TCF12: variants seen among roughly 807,000 people sequenced by gnomAD.
The protein encoded by TCF12 is DNA-binding protein HTF4.
In TCF12, 45 loss-of-function variants were observed where a neutral mutation model predicts 86.0. The ratio of observed to expected loss-of-function variants is 0.52; its 90% CI spans 0.41 to 0.67. The LOEUF is 0.67. Among genes scored for constraint, TCF12 ranks in the 30% least tolerant of loss-of-function variants. The probability of loss-of-function intolerance (pLI) is 0.00; values close to 1 mark genes in which losing one functional copy is unlikely to be tolerated. For missense variants in TCF12, 881 were observed against 859.9 expected, an observed-to-expected ratio of 1.02 and a Z score of -0.31; for synonymous variants, 330 against 299.6, an observed-to-expected ratio of 1.10 and a Z score of -1.05.
chr15:57,247,738 T>C (rs1217031544), intron 13 of TCF12: 4 of 733,688 alleles, frequency 5.5e-6, no homozygotes, highest in Non-Finnish European at 7.4e-6. Context: ...TTGGTTCCAC[T>C]ACACACCTGT....
chr15:57,035,037 GA>G (rs1213934411), intron 3 of TCF12, among the ~76,000 whole-genome samples: 3 of 151,996 alleles, frequency 2.0e-5, no homozygotes, highest in African/African-American at 7.3e-5. Context: ...GCATATATTA[GA>G]AACTAATGTT....
At chr15:57,128,154 G>T (rs1339971447) in intron 5 of TCF12, among the ~76,000 whole-genome samples, 2 of 152,078 alleles carry the variant, frequency 1.3e-5, no homozygotes, top group African/African-American at 4.8e-5. Context: ...TCAAGTGTGG[G>T]CTGTTAGTAA....
At chr15:57,134,268 A>G (rs1327001174) in intron 5 of TCF12, 1 of 152,268 alleles carries the variant, frequency 6.6e-6, no homozygotes, top group Non-Finnish European at 1.5e-5. Flanking sequence ...GTAATAATCA[A>G]TGACATTTCA....
upstream of TCF12, chr15:56,918,189 G>C (rs926057614): frequency 4.4e-6 from 2 of 456,196 alleles, no homozygotes; most frequent in Admixed American, 4.7e-5. Flanking sequence ...GCTTAGGGTG[G>C]CGTCCAGCGT....
chr15:57,018,107 A>G (rs1485964049), intron 3 of TCF12, among the ~76,000 whole-genome samples: 2 of 152,194 alleles, frequency 1.3e-5, no homozygotes, highest in East Asian at 3.8e-4. Flanking sequence ...CTGAGGCAAA[A>G]TTAATGTAAG....
intron 5 of TCF12, among the ~76,000 whole-genome samples, chr15:57,115,954 C>CT (rs1356468848): frequency 1.3e-5 from 2 of 152,008 alleles, no homozygotes; most frequent in African/African-American, 4.8e-5. Flanking sequence ...TGCCTTTTTC[C>CT]TTCTCTCTTC....
chr15:57,156,174 C>G (rs1329842090), intron 5 of TCF12, among the ~76,000 whole-genome samples: 2 of 152,184 alleles, frequency 1.3e-5, no homozygotes, highest in African/African-American at 2.4e-5. Context: ...ACAAAAATCC[C>G]TATATTTTTA....
At chr15:57,005,284 G>A (rs1481841175) in intron 3 of TCF12, among the ~76,000 whole-genome samples, 1 of 152,168 alleles carries the variant, frequency 6.6e-6, no homozygotes, top group African/African-American at 2.4e-5. Flanking sequence ...TAATACTCAT[G>A]TACATTTTTT....
At chr15:56,990,745 C>A (rs1382954175) in intron 3 of TCF12, among the ~76,000 whole-genome samples, 12 of 152,048 alleles carry the variant, frequency 7.9e-5, no homozygotes, top group African/African-American at 2.7e-4. Context: ...GCAGCTTTGA[C>A]CAGAACACCT....
At chr15:57,245,220 G>A (rs1215359823) in intron 13 of TCF12, among the ~76,000 whole-genome samples, 3 of 152,158 alleles carry the variant, frequency 2.0e-5, no homozygotes, top group Non-Finnish European at 2.9e-5. Flanking sequence ...GAAGCATTCC[G>A]GTTTGGGGAT....
rs144802228 is a variant in TCF12 at position 57,216,885 on chromosome 15, T to A, written c.580-14267T>A. Among the ~76,000 whole-genome samples, 29 of 152,194 alleles carry A rather than the reference T, an allele frequency of 1.9e-4. 2 individuals carry two copies. The East Asian group carries it at 5.4e-3, about 28-fold the overall frequency. On this transcript the variant is annotated intron_variant, in intron 8 of 20. Transcript: ENST00000333725. Reference sequence around the variant, plus strand: ...AAAAGACTTTTCCATAGCATACAAGTAGAATATAGGGGCATTTTATGTAGA... The same window carrying A: ...AAAAGACTTTTCCATAGCATACAAGAAGAATATAGGGGCATTTTATGTAGA...
intron 3 of TCF12, among the ~76,000 whole-genome samples, chr15:57,022,012 A>T (rs916193582): frequency 1.1e-4 from 17 of 151,820 alleles, no homozygotes; most frequent in African/African-American, 4.1e-4. Context: ...TTAATCATAA[A>T]CCCTGGTGAT....
chr15:57,150,936 T>G, intron 5 of TCF12, among the ~76,000 whole-genome samples: 1 of 133,212 alleles, frequency 7.5e-6, no homozygotes, highest in East Asian at 2.5e-4. Context: ...CCTTCCTTCC[T>G]TCTTCCCTTC....
chr15:57,064,674 T>C (rs774484618), intron 4 of TCF12, among the ~76,000 whole-genome samples: 2 of 151,404 alleles, frequency 1.3e-5, no homozygotes, highest in Non-Finnish European at 2.9e-5. Flanking sequence ...TGGGCATCTG[T>C]AGTCCCAGCT....
chr15:56,989,461 C>T (rs2063341126), intron 3 of TCF12, among the ~76,000 whole-genome samples: 1 of 152,194 alleles, frequency 6.6e-6, no homozygotes, highest in East Asian at 1.9e-4. Flanking sequence ...AAAAACCAGG[C>T]AGCTGGGTGG....
intron 5 of TCF12, among the ~76,000 whole-genome samples, chr15:57,124,228 A>G (rs1345143012): frequency 1.3e-5 from 2 of 152,054 alleles, no homozygotes; most frequent in African/African-American, 2.4e-5. Flanking sequence ...TTTTTCATAT[A>G]CTTTGGTTTC....
At chr15:57,275,387 G>T (rs2061357896) in intron 19 of TCF12, among the ~76,000 whole-genome samples, 1 of 129,376 alleles carries the variant, frequency 7.7e-6, no homozygotes, top group Non-Finnish European at 1.8e-5. Flanking sequence ...TGGTCTCACT[G>T]TGTTGCCCAG....
At chr15:57,153,802 G>A (rs534083169) in intron 5 of TCF12, among the ~76,000 whole-genome samples, 21 of 151,922 alleles carry the variant, frequency 1.4e-4, no homozygotes, top group Non-Finnish European at 2.4e-4. Flanking sequence ...TGGGAGGATT[G>A]CTTGAGGGCA....
Position 57,263,208 on chromosome 15 carries a change from AT to A in TCF12, c.1680del (p.Asp560GlufsTer3), listed in dbSNP as rs1311275572. The A allele has an allele frequency of 6.2e-7, 1 of 1,613,030 alleles. No individual in the cohort carries two copies. The highest frequency in any genetic ancestry group is 1.3e-5 in the African/African-American group (1 of 74,890). On this transcript the variant is annotated frameshift_variant, in exon 18 of 21. Coordinates refer to ENST00000333725, the MANE Select transcript of TCF12 (RefSeq NM_207037.2). LOFTEE classifies it high-confidence loss of function. Reference sequence around the variant, plus strand: ...AACCTTCATGAACCTCCTTCATCAGATGACATGAAGTCAGATGATGAATCCT... The same window carrying A: ...AACCTTCATGAACCTCCTTCATCAGAGACATGAAGTCAGATGATGAATCCT... ...DENLHEPPSS[D>X]DMKSDDESSQ...
Sources: gnomAD v4.1 joint callset for allele counts (sites outside exome capture counted in the v4.1 genomes callset) on GRCh38, gnomAD v4.1.1 for gene constraint, MANE v1.5 for transcripts, NCBI Gene and HGNC (gene_info 2026-07-23, HGNC 2026-07-21) for gene names.